The following CAMKMT variants were observed in gnomAD, a reference collection of about 807,000 sequenced individuals.
CAMKMT encodes calmodulin-lysine N-methyltransferase.
Under a neutral mutation model 48.0 loss-of-function variants are expected in CAMKMT, and 53 were observed. That is an observed-to-expected ratio of 1.10 (90% CI 0.89 to 1.39). The LOEUF is 1.39. CAMKMT is among the 40% of genes most tolerant of loss of function. The pLI is 0.00. For synonymous variants in CAMKMT, 165 were observed against 152.3 expected, an observed-to-expected ratio of 1.08 and a Z score of -0.61; for missense variants, 428 against 402.7, an observed-to-expected ratio of 1.06 and a Z score of -0.54.
At chr2:44,733,766 C>T (rs896912204) in intron 7 of CAMKMT, among the ~76,000 whole-genome samples, 6 of 152,036 alleles carry the variant, frequency 3.9e-5, no homozygotes, top group Non-Finnish European at 8.8e-5. Flanking sequence ...GTTAAACCAA[C>T]CTTCTTATAT....
chr2:44,546,180 C>CACAT (rs1667389544), intron 3 of CAMKMT, among the ~76,000 whole-genome samples: 1 of 151,214 alleles, frequency 6.6e-6, no homozygotes, highest in Non-Finnish European at 1.5e-5. Context: ...CACACACACA[C>CACAT]ACACACACAC....
chr2:44,411,555 C>T (rs1435660045), intron 3 of CAMKMT, among the ~76,000 whole-genome samples: 2 of 152,032 alleles, frequency 1.3e-5, no homozygotes, highest in Non-Finnish European at 2.9e-5. Flanking sequence ...CTGTCGGTGC[C>T]TCATGATTCT....
chr2:44,522,769 A>C (rs1655120620), intron 3 of CAMKMT, among the ~76,000 whole-genome samples: 1 of 152,216 alleles, frequency 6.6e-6, no homozygotes, highest in African/African-American at 2.4e-5. Flanking sequence ...TGGATCCTTT[A>C]CATTACCTCT....
At chr2:44,756,759 A>G (rs911636155) in intron 9 of CAMKMT, among the ~76,000 whole-genome samples, 2 of 151,738 alleles carry the variant, frequency 1.3e-5, no homozygotes, top group African/African-American at 4.8e-5. Flanking sequence ...AAAAAAAAGA[A>G]AAAGAAAAAG....
chr2:44,449,594 T>C (rs1202929247), intron 3 of CAMKMT, among the ~76,000 whole-genome samples: 1 of 152,166 alleles, frequency 6.6e-6, no homozygotes, highest in African/African-American at 2.4e-5. Context: ...TTTTCACATA[T>C]GCTTCTTTTT....
intron 3 of CAMKMT, among the ~76,000 whole-genome samples, chr2:44,698,708 G>C (rs995469612): frequency 2.0e-5 from 3 of 152,180 alleles, no homozygotes; most frequent in Admixed American, 2.0e-4. Context: ...GGTGGCTGTG[G>C]CAATTTCTTA....
rs1357066144 is a variant in CAMKMT, at chr2:44,636,278, G to A, written c.377-68005G>A. On this transcript the variant is annotated intron_variant, in intron 3 of 10. Transcript: ENST00000378494. ...AGACATAAGGCAGATGAGATGCCAG[G>A]TTGTTTAGAAGGCTAGTAACTGGGA... Among the ~76,000 whole-genome samples, 3 of 152,198 alleles carry A rather than the reference G, an allele frequency of 2.0e-5. 1 individual carries two copies. The highest frequency in any genetic ancestry group is 4.4e-5 in the Non-Finnish European group (3 of 68,042).
At chr2:44,666,706 G>A (rs1674995894) in intron 3 of CAMKMT, among the ~76,000 whole-genome samples, 1 of 151,542 alleles carries the variant, frequency 6.6e-6, no homozygotes, top group African/African-American at 2.4e-5. Flanking sequence ...CGCCTCCTGG[G>A]TTCAAGGGAT....
intron 3 of CAMKMT, among the ~76,000 whole-genome samples, chr2:44,453,290 T>C (rs578160548): frequency 7.9e-5 from 12 of 152,214 alleles, no homozygotes; most frequent in African/African-American, 2.9e-4. Flanking sequence ...CTGCTATTAA[T>C]GTTTGTACTA....
rs1254923035 is a variant in CAMKMT, at chr2:44,372,794, G to C, written c.217G>C (p.Val73Leu). The change falls in exon 2 of 11, where the codon GTA (valine) becomes CTA (leucine). Residue 73 changes from valine to leucine, a missense_variant. Val to Leu is a conservative substitution (Grantham distance 32, BLOSUM62 1). Transcript: ENST00000378494. ...ATTTGAATCATTTAATCTGTTTTCA[G>C]TAACAGAAGGCAAAGAAAGGGAAAC... Reference protein sequence around the residue: ...RRFESFNLFSVTEGKERETEE... With the variant: ...RRFESFNLFSLTEGKERETEE... 6.2e-7 allele frequency: 1 copy of C among 1,613,874 alleles called. No homozygotes were observed. The highest frequency in any genetic ancestry group is 2.2e-5 in the East Asian group (1 of 44,822).
At chr2:44,533,744 G>T (rs72881128) in intron 3 of CAMKMT, among the ~76,000 whole-genome samples, 2,607 of 152,260 alleles carry the variant, frequency 0.017, 60 homozygotes, top group African/African-American at 0.053. Flanking sequence ...ACACACAAAT[G>T]AGGAAGAGGA....
intron 3 of CAMKMT, among the ~76,000 whole-genome samples, chr2:44,589,774 A>G (rs1378842748): frequency 1.2e-5 from 1 of 81,922 alleles, no homozygotes; most frequent in Non-Finnish European, 2.7e-5. Flanking sequence ...TCCTCTGCCT[A>G]GGAAAACCAG....
intron 3 of CAMKMT, among the ~76,000 whole-genome samples, chr2:44,475,188 A>G (rs915717874): frequency 6.6e-6 from 1 of 152,224 alleles, no homozygotes; most frequent in Admixed American, 6.5e-5. Flanking sequence ...ATTTTAAAGT[A>G]GATAAATTAG....
intron 6 of CAMKMT, among the ~76,000 whole-genome samples, chr2:44,710,459 G>T (rs999893737): frequency 1.3e-5 from 2 of 151,922 alleles, no homozygotes; most frequent in African/African-American, 4.8e-5. Flanking sequence ...TGCATTGCTG[G>T]GTCTACGAAC....
chr2:44,757,581 T>TTTTG, intron 9 of CAMKMT, among the ~76,000 whole-genome samples: 1 of 151,140 alleles, frequency 6.6e-6, no homozygotes. Context: ...TTTTTTTTTT[T>TTTTG]GAGATGGAGT....
intron 3 of CAMKMT, among the ~76,000 whole-genome samples, chr2:44,686,468 A>T (rs1252595626): frequency 2.0e-5 from 3 of 152,202 alleles, no homozygotes; most frequent in Non-Finnish European, 2.9e-5. Context: ...TAATGAACCA[A>T]TGTCAGTTTC....
chr2:44,581,320 C>T (rs6729292), intron 3 of CAMKMT, among the ~76,000 whole-genome samples: 97,743 of 151,938 alleles, frequency 0.64, 31,925 homozygotes, highest in Admixed American at 0.71. Flanking sequence ...GTTTTACCAG[C>T]AAGAACACTG....
chr2:44,766,949 G>A (rs796193081), intron 10 of CAMKMT, among the ~76,000 whole-genome samples: 34 of 152,214 alleles, frequency 2.2e-4, no homozygotes, highest in African/African-American at 7.2e-4. Context: ...ATGTCTAATT[G>A]TATCATGTTG....
chr2:44,692,349 AC>A (rs1343432016), intron 3 of CAMKMT, among the ~76,000 whole-genome samples: 1 of 152,158 alleles, frequency 6.6e-6, no homozygotes, highest in Non-Finnish European at 1.5e-5. Context: ...ATGAGAAGGT[AC>A]TTTTATTGCT....
Sources: allele counts gnomAD v4.1 joint callset (sites outside exome capture counted in the v4.1 genomes callset), GRCh38; gene constraint gnomAD v4.1.1; transcripts MANE v1.5; gene names NCBI Gene and HGNC (gene_info 2026-07-23, HGNC 2026-07-21).